MYO3B: variants seen among roughly 807,000 people sequenced by gnomAD.
The protein encoded by MYO3B is myosin-IIIb.
A neutral mutation model predicts 174.6 loss-of-function variants in MYO3B; 156 were observed. The observed-to-expected ratio is 0.89, with a 90% CI of 0.78 to 1.02. The LOEUF (loss-of-function observed/expected upper bound fraction) is 1.02, where lower values mean the gene tolerates loss of function less well. MYO3B is among the 50% of genes least tolerant of loss of function. The pLI is 0.00. For missense variants in MYO3B, 1,632 were observed against 1,639.4 expected, an observed-to-expected ratio of 1.00 and a Z score of 0.08; for synonymous variants, 563 against 569.1, an observed-to-expected ratio of 0.99 and a Z score of 0.15.
At chr2:170,466,392 C>A in intron 24 of MYO3B, 114 bp from the exon 25 acceptor site, 1 of 880,904 alleles carries the variant, frequency 1.1e-6, no homozygotes, top group South Asian at 1.6e-5. Flanking sequence ...TCATGTTCTT[C>A]CTCAAGAAGG....
intron 6 of MYO3B, 27 bp downstream of exon 6, chr2:170,217,422 T>C: frequency 3.8e-6 from 6 of 1,581,998 alleles, no homozygotes; most frequent in Non-Finnish European, 5.2e-6. Context: ...TAGTTCTTTC[T>C]TTGCACTTGT....
chr2:170,233,132 G>C (rs1006059197), intron 6 of MYO3B, among the ~76,000 whole-genome samples: 7 of 152,160 alleles, frequency 4.6e-5, no homozygotes, highest in Non-Finnish European at 8.8e-5. Flanking sequence ...TAGACTATGG[G>C]TACTAGATAC....
intron 25 of MYO3B, among the ~76,000 whole-genome samples, chr2:170,476,260 G>A (rs537251467): frequency 1.3e-5 from 2 of 152,320 alleles, no homozygotes; most frequent in East Asian, 3.9e-4. Flanking sequence ...CAAAGCCCAA[G>A]TGGGCATGTT....
chr2:170,383,078 A>G lies in MYO3B; in HGVS notation c.1074A>G (p.Thr358=), dbSNP rs1325842010. The G allele has an allele frequency of 6.3e-7, 1 of 1,598,444 alleles. No homozygotes were observed. The highest frequency in any genetic ancestry group is 1.7e-5 in the Admixed American group (1 of 59,972). ...ACCATTTATCCTCTTCTTAGGATACAATTATCCATCAGTTGCAGAAACGTT... is the reference window on the plus strand; with the variant it reads ...ACCATTTATCCTCTTCTTAGGATACGATTATCCATCAGTTGCAGAAACGTT... The part of the protein sequence containing the change: ...LVNLEVLDED[T]IIHQLQKRYA... The change falls in exon 11 of 35, where the codon ACA becomes ACG. Residue 358 remains threonine, a synonymous_variant. Transcript: ENST00000408978.
chr2:170,516,997 A>C (rs1688357205), intron 29 of MYO3B, among the ~76,000 whole-genome samples: 2 of 151,902 alleles, frequency 1.3e-5, no homozygotes, highest in African/African-American at 4.8e-5. Flanking sequence ...GTCCTTGTTC[A>C]GCAATTCATT....
intron 22 of MYO3B, among the ~76,000 whole-genome samples, chr2:170,439,383 T>C (rs1484949174): frequency 6.8e-6 from 1 of 146,218 alleles, no homozygotes; most frequent in Non-Finnish European, 1.5e-5. Context: ...AAAATAATAA[T>C]AATAATAATA....
At chr2:170,551,378 T>G in intron 32 of MYO3B, among the ~76,000 whole-genome samples, 1 of 144,902 alleles carries the variant, frequency 6.9e-6, no homozygotes, top group East Asian at 2.8e-4. Flanking sequence ...ATTTATTTAT[T>G]TATTTATTTT....
At chr2:170,404,898 T>C (rs2094500788) in intron 20 of MYO3B, among the ~76,000 whole-genome samples, 1 of 152,212 alleles carries the variant, frequency 6.6e-6, no homozygotes, top group South Asian at 2.1e-4. Flanking sequence ...AGGATGAATA[T>C]AGGGCACCTC....
At chr2:170,408,398 T>C (rs1242794121) in intron 22 of MYO3B, 1 of 152,424 alleles carries the variant, frequency 6.6e-6, no homozygotes, top group Non-Finnish European at 1.5e-5. Flanking sequence ...TTCTGTTTAA[T>C]TGCTGTCAGT....
At chr2:170,208,243 G>A (rs1261216228) in intron 3 of MYO3B, among the ~76,000 whole-genome samples, 1 of 152,192 alleles carries the variant, frequency 6.6e-6, no homozygotes, top group Non-Finnish European at 1.5e-5. Context: ...GTGCCTCGGA[G>A]AAGGGGTGTT....
intron 8 of MYO3B, among the ~76,000 whole-genome samples, chr2:170,368,932 AGTCTATATT>A (rs1167918615): frequency 1.3e-5 from 2 of 151,970 alleles, no homozygotes; most frequent in Non-Finnish European, 2.9e-5. Flanking sequence ...AAAATTGAGC[AGTCTATATT>A]TTTAGTGTTT....
intron 6 of MYO3B, among the ~76,000 whole-genome samples, chr2:170,221,730 A>T (rs1487294065): frequency 7.1e-6 from 1 of 141,692 alleles, no homozygotes; most frequent in Non-Finnish European, 1.6e-5. Context: ...AAAAGTCAAG[A>T]TCAGTAGAAT....
Position 170,386,275 on chromosome 2 carries a change from A to G in MYO3B, c.1374+3A>G. 5 of 1,612,258 alleles carry G rather than the reference A, an allele frequency of 3.1e-6. No homozygotes were observed. Among genetic ancestry groups the G allele is most frequent in the Non-Finnish European group, 4.2e-6 (5 of 1,178,586 alleles). On this transcript the variant is annotated splice_donor_region_variant and intron_variant, in intron 13 of 34. Transcript: ENST00000408978. ...AGCATTTGACTTTCTTGGGAAAGGT[A>G]TTGACTAATCTGCTTTACGTATTGT... is the stretch of plus-strand genomic sequence containing the variant.
At chr2:170,303,535 TGTG>T (rs1367109800) in intron 7 of MYO3B, among the ~76,000 whole-genome samples, 1 of 152,170 alleles carries the variant, frequency 6.6e-6, no homozygotes, top group African/African-American at 2.4e-5. Flanking sequence ...TAGGTAAATG[TGTG>T]TCATGAGGAT....
intron 23 of MYO3B, among the ~76,000 whole-genome samples, chr2:170,462,656 A>G (rs1193685265): frequency 6.6e-6 from 1 of 152,266 alleles, no homozygotes; most frequent in East Asian, 1.9e-4. Context: ...CTGCCACGGC[A>G]AGGCCAGTGC....
At chr2:170,475,180 A>G (rs1685242323) in intron 25 of MYO3B, among the ~76,000 whole-genome samples, 1 of 152,178 alleles carries the variant, frequency 6.6e-6, no homozygotes, top group Non-Finnish European at 1.5e-5. Context: ...TGTCCCACCT[A>G]GGACCCAGCA....
intron 25 of MYO3B, among the ~76,000 whole-genome samples, chr2:170,471,444 T>C (rs2105981678): frequency 6.6e-6 from 1 of 152,312 alleles, no homozygotes; most frequent in Non-Finnish European, 1.5e-5. Flanking sequence ...GCTCGTACTT[T>C]TGGTATTCTA....
intron 32 of MYO3B, among the ~76,000 whole-genome samples, chr2:170,585,603 G>C (rs1046424487): frequency 1.3e-5 from 2 of 152,164 alleles, no homozygotes; most frequent in African/African-American, 2.4e-5. Context: ...AGATCTGTGA[G>C]ATGATCAGCT....
In MYO3B at chr2:170,407,600, A is replaced by G. The variant is rs72876319; in HGVS notation, c.2521-115A>G. ...ATCTGGTGCTCTGGATATGAAAGCTATGTAAAGATGAGTTCTATATAGAGG... is the reference window on the plus strand; with the variant it reads ...ATCTGGTGCTCTGGATATGAAAGCTGTGTAAAGATGAGTTCTATATAGAGG... On this transcript the variant is annotated intron_variant, in intron 21 of 34. Coordinates refer to ENST00000408978, the MANE Select transcript of MYO3B (RefSeq NM_138995.5). The G allele has an allele frequency of 1.4e-5, 5 of 369,932 alleles. No individual in the cohort carries two copies. In the African/African-American group the frequency reaches 2.2e-4, roughly 16 times the overall value. The allele number at this position is 369,932 out of a possible 1,614,324, so 22.9% of individuals were successfully genotyped here.
Sources: gnomAD v4.1 joint callset for allele counts (sites outside exome capture counted in the v4.1 genomes callset) on GRCh38, gnomAD v4.1.1 for gene constraint, MANE v1.5 for transcripts, NCBI Gene and HGNC (gene_info 2026-07-23, HGNC 2026-07-21) for gene names.